The following TMEM178B variants were observed in gnomAD, a reference collection of about 807,000 sequenced individuals.
TMEM178B encodes the protein transmembrane protein 178B.
Under a neutral mutation model 31.0 loss-of-function variants are expected in TMEM178B, and 5 were observed. The observed-to-expected ratio is 0.16, with a 90% CI of 0.08 to 0.34. The LOEUF is 0.34. Ranked by LOEUF, TMEM178B falls within the 10% of genes least tolerant of loss-of-function variation. The probability of loss-of-function intolerance (pLI) is 1.00; values close to 1 mark genes in which losing one functional copy is unlikely to be tolerated. For synonymous variants in TMEM178B, 164 were observed against 164.0 expected (o/e 1.00, Z 0.00); for missense variants, 275 against 400.3 (o/e 0.69, Z 2.67).
intron 2 of TMEM178B, among the ~76,000 whole-genome samples, chr7:141,234,835 T>A (rs1206046332): frequency 1.3e-5 from 2 of 152,094 alleles, no homozygotes; most frequent in Admixed American, 1.3e-4. Context: ...TATGCAGACG[T>A]GGGAGGTGAA....
chr7:141,429,047 G>T (rs533207773), intron 2 of TMEM178B, among the ~76,000 whole-genome samples: 2 of 152,160 alleles, frequency 1.3e-5, no homozygotes, highest in South Asian at 4.2e-4. Flanking sequence ...TGGAGAAAGG[G>T]AACCCTTATA....
At chr7:141,443,307 C>T (rs1375255743) in intron 3 of TMEM178B, among the ~76,000 whole-genome samples, 5 of 152,186 alleles carry the variant, frequency 3.3e-5, no homozygotes, top group Non-Finnish European at 5.9e-5. Flanking sequence ...CCCCAGCTGA[C>T]TCCGATTCCC....
chr7:141,095,822 CT>C (rs1794950685), intron 1 of TMEM178B, among the ~76,000 whole-genome samples: 1 of 152,222 alleles, frequency 6.6e-6, no homozygotes, highest in African/African-American at 2.4e-5. Context: ...GAACCATTGC[CT>C]TTTCCAGTGA....
intron 2 of TMEM178B, among the ~76,000 whole-genome samples, chr7:141,225,764 T>C (rs955790528): frequency 6.6e-6 from 1 of 152,166 alleles, no homozygotes; most frequent in Non-Finnish European, 1.5e-5. Context: ...ACGTTCAGAC[T>C]TCTCTGTCCC....
intron 2 of TMEM178B, among the ~76,000 whole-genome samples, chr7:141,224,703 G>A (rs1797312350): frequency 6.6e-6 from 1 of 152,216 alleles, no homozygotes; most frequent in Non-Finnish European, 1.5e-5. Context: ...GACTCAGATG[G>A]AGTTCAGTTC....
chr7:141,384,450 C>T (rs1010577903), intron 2 of TMEM178B, among the ~76,000 whole-genome samples: 32 of 152,048 alleles, frequency 2.1e-4, no homozygotes, highest in African/African-American at 7.5e-4. Context: ...TAGCCATTCC[C>T]AGCACCATTT....
chr7:141,490,170 G>A, the TMEM178B span, among the ~76,000 whole-genome samples: 2 of 152,156 alleles, frequency 1.3e-5, no homozygotes, highest in Non-Finnish European at 2.9e-5. Flanking sequence ...GTGGAAGCCT[G>A]GACTAACTTC....
At chr7:141,134,185 T>G (rs1253490122) in intron 1 of TMEM178B, among the ~76,000 whole-genome samples, 1 of 152,038 alleles carries the variant, frequency 6.6e-6, no homozygotes, top group East Asian at 1.9e-4. Context: ...CAGTGAGTTA[T>G]GATCATGCCA....
In TMEM178B at chr7:141,171,826, C is replaced by G. The variant is rs963607306; in HGVS notation, c.383-40765C>G. On this transcript the variant is annotated intron_variant, in intron 1 of 3. Transcript: ENST00000565468. This position sits in a 1 kb window ranked among gnomAD's most constrained non-coding sequence, Gnocchi z 4.3. ...ACACTGTGCTAGCATTTATCAGGCTCTCAATACACATTTGTGAATGAATGA... is the reference window on the plus strand; with the variant it reads ...ACACTGTGCTAGCATTTATCAGGCTGTCAATACACATTTGTGAATGAATGA... Among the ~76,000 whole-genome samples, 2 of 136,628 alleles carry G rather than the reference C, an allele frequency of 1.5e-5. No individual in the cohort carries two copies. The highest frequency in any genetic ancestry group is 3.2e-5 in the Non-Finnish European group (2 of 63,022). 89.6% of individuals were successfully genotyped at this position (136,628 alleles called of 152,430 possible).
rs869132131 is a variant in TMEM178B, at chr7:141,438,696, T to TAAAAAAAAAAAAAAAAAAAAAAAAAAA, written c.634+955_634+981dup. Among the ~76,000 whole-genome samples the TAAAAAAAAAAAAAAAAAAAAAAAAAAA allele has an allele frequency of 1.0e-4, 3 of 29,004 alleles. 1 individual carries two copies. Among genetic ancestry groups the TAAAAAAAAAAAAAAAAAAAAAAAAAAA allele is most frequent in the Non-Finnish European group, 7.8e-5 (1 of 12,764 alleles). 19.0% of individuals were successfully genotyped at this position (29,004 alleles called of 152,430 possible). A position where few individuals can be genotyped will look rare whatever the true frequency, so the allele number is the denominator to read the frequency against. On this transcript the variant is annotated intron_variant, in intron 3 of 3. Coordinates refer to ENST00000565468, the MANE Select transcript of TMEM178B (RefSeq NM_001195278.2). Reference sequence around the variant, plus strand: ...CAGCTTGGTAAAACCCCGTCTCTACTAAAAAAAAAAAAAAAAAAAAAAAAA... The same window carrying TAAAAAAAAAAAAAAAAAAAAAAAAAAA: ...CAGCTTGGTAAAACCCCGTCTCTACTAAAAAAAAAAAAAAAAAAAAAAAAAAAAAAAAAAAAAAAAAAAAAAAAAAAA...
At position 141,419,834 on chromosome 7, in the gene TMEM178B, TCTAACAGATCA is replaced by T. The variant is rs1801170380; in HGVS notation, c.497-17770_497-17760del. 2.0e-5 allele frequency among the ~76,000 whole-genome samples: 3 copies of T among 152,250 alleles called. No individual in the cohort carries two copies. In the South Asian group the frequency reaches 6.2e-4, roughly 32 times the overall value. On this transcript the variant is annotated intron_variant, in intron 2 of 3. Transcript: ENST00000565468. ...TGGTTACAGCAAGTATATCTTTGTTTCTAACAGATCACTACGATCTATTATATGGCTCTAAG... is the reference window on the plus strand; with the variant it reads ...TGGTTACAGCAAGTATATCTTTGTTTCTACGATCTATTATATGGCTCTAAG...
chr7:141,221,450 T>C (rs1267040850), intron 2 of TMEM178B, among the ~76,000 whole-genome samples: 1 of 152,202 alleles, frequency 6.6e-6, no homozygotes, highest in East Asian at 1.9e-4. Flanking sequence ...AGTCAGCAGG[T>C]ATAAGTCCTG....
rs1415593747 is a variant in TMEM178B, at chr7:141,216,448, T to TGTGTGTGTGCGC, written c.496+3745_496+3746insTGTGTGTGCGCG. Among the ~76,000 whole-genome samples the TGTGTGTGTGCGC allele has an allele frequency of 1.4e-4, 19 of 135,922 alleles. 1 individual carries two copies. Among genetic ancestry groups the TGTGTGTGTGCGC allele is most frequent in the African/African-American group, 5.5e-4 (19 of 34,358 alleles). 89.2% of individuals were successfully genotyped at this position (135,922 alleles called of 152,430 possible). A position where few individuals can be genotyped will look rare whatever the true frequency, so the allele number is the denominator to read the frequency against. ...CTGTGTGTGTGTGTGTGTGTGTGTGTGCGCGCGCGCGCGCGTGTGTGTGTG... is the reference window on the plus strand; with the variant it reads ...CTGTGTGTGTGTGTGTGTGTGTGTGTGTGTGTGTGCGCGCGCGCGCGCGCGCGTGTGTGTGTG... On this transcript the variant is annotated intron_variant, in intron 2 of 3. Coordinates refer to ENST00000565468, the MANE Select transcript of TMEM178B (RefSeq NM_001195278.2).
chr7:141,319,699 G>A (rs1799065649), intron 2 of TMEM178B, among the ~76,000 whole-genome samples: 1 of 152,150 alleles, frequency 6.6e-6, no homozygotes, highest in Non-Finnish European at 1.5e-5. Flanking sequence ...CACCATGCCT[G>A]GCTAATTTTG....
intron 2 of TMEM178B, among the ~76,000 whole-genome samples, chr7:141,333,750 G>C (rs1799335569): frequency 6.6e-6 from 1 of 152,170 alleles, no homozygotes; most frequent in African/African-American, 2.4e-5. Flanking sequence ...ATTTTTCCGT[G>C]GACTGGGGTG....
rs779885222 is a variant in TMEM178B, at chr7:141,074,364, C to T, written c.54C>T (p.Ala18=). The part of the protein sequence containing the change: ...LYTGLSLALC[A]LGMLAVAICS... ...CTGGCCTCTCGCTAGCGCTCTGCGCCCTCGGCATGCTGGCCGTGGCCATCT... is the reference window on the plus strand; with the variant it reads ...CTGGCCTCTCGCTAGCGCTCTGCGCTCTCGGCATGCTGGCCGTGGCCATCT... Residue 18 remains alanine (A), a synonymous_variant, in exon 1 of 4, where the codon GCC becomes GCT. Coordinates refer to ENST00000565468, the MANE Select transcript of TMEM178B (RefSeq NM_001195278.2). The surrounding 1 kb of genome is among the most constrained non-coding windows in gnomAD (Gnocchi z 5.1). 1.3e-5 allele frequency: 20 copies of T among 1,536,008 alleles called. 1 individual carries two copies. The highest frequency in any genetic ancestry group is 1.7e-4 in the Middle Eastern group (1 of 6,014).
chr7:141,278,360 T>C lies in TMEM178B; in HGVS notation c.496+65656T>C, dbSNP rs547099388. On this transcript the variant is annotated intron_variant, in intron 2 of 3. Coordinates refer to ENST00000565468, the MANE Select transcript of TMEM178B (RefSeq NM_001195278.2). ...ACTTTGGGAGGCCGAGGCCAGTAGA[T>C]CACTTGAGGTTAGGAGTTCGAGACC... Among the ~76,000 whole-genome samples the C allele has an allele frequency of 1.1e-3, 168 of 152,290 alleles. 2 individuals carry two copies. Among genetic ancestry groups the C allele is most frequent in the African/African-American group, 3.8e-3 (157 of 41,564 alleles).
chr7:141,421,437 G>T (rs1362005890), intron 2 of TMEM178B, among the ~76,000 whole-genome samples: 2 of 152,124 alleles, frequency 1.3e-5, no homozygotes, highest in Non-Finnish European at 2.9e-5. Context: ...GGCATTTGTG[G>T]TAGCACTTTA....
At chr7:141,394,636 C>T (rs1029822114) in intron 2 of TMEM178B, among the ~76,000 whole-genome samples, 6 of 152,116 alleles carry the variant, frequency 3.9e-5, no homozygotes, top group East Asian at 3.9e-4. Flanking sequence ...GTGGTATCTC[C>T]GACCCAGGGA....
Sources: gnomAD v4.1 joint callset for allele counts (sites outside exome capture counted in the v4.1 genomes callset) on GRCh38, gnomAD v4.1.1 for gene constraint, Gnocchi (gnomAD v3.1) non-coding constraint, MANE v1.5 for transcripts, NCBI Gene and HGNC (gene_info 2026-07-23, HGNC 2026-07-21) for gene names.